Variants in RMDN2 observed in about 807,000 individuals in gnomAD.
The protein encoded by RMDN2 is regulator of microtubule dynamics protein 2.
Under a neutral mutation model 52.8 loss-of-function variants are expected in RMDN2, and 61 were observed. That is an observed-to-expected ratio of 1.16 (90% CI 0.94 to 1.43). RMDN2 has a LOEUF of 1.43. Ranked by LOEUF, RMDN2 falls within the 40% of genes most tolerant of loss-of-function variation. The pLI, the probability that RMDN2 is intolerant of heterozygous loss-of-function variation, is 0.00. For missense variants in RMDN2, 592 were observed against 475.3 expected (o/e 1.25, Z -2.28); for synonymous variants, 180 against 153.1 (o/e 1.18, Z -1.30).
intron 4 of RMDN2, among the ~76,000 whole-genome samples, chr2:37,979,289 G>A (rs1390803731): frequency 1.3e-5 from 2 of 152,076 alleles, no homozygotes; most frequent in Non-Finnish European, 1.5e-5. Flanking sequence ...ACAACACTAC[G>A]GAACCTATTC....
At chr2:37,933,513 C>A (rs1336139332) in intron 2 of RMDN2, among the ~76,000 whole-genome samples, 5 of 152,278 alleles carry the variant, frequency 3.3e-5, no homozygotes, top group Non-Finnish European at 7.3e-5. Context: ...ACTCCGTCTG[C>A]AATCCCGGCA....
intron 2 of RMDN2, among the ~76,000 whole-genome samples, chr2:37,940,834 G>A (rs900829980): frequency 6.6e-6 from 1 of 152,116 alleles, no homozygotes; most frequent in Non-Finnish European, 1.5e-5. Flanking sequence ...TTGGGTTAAA[G>A]CTTGCTCCTT....
intron 2 of RMDN2, among the ~76,000 whole-genome samples, chr2:37,973,673 C>G (rs549060038): frequency 6.6e-6 from 1 of 152,082 alleles, no homozygotes; most frequent in Non-Finnish European, 1.5e-5. Flanking sequence ...GGAGCAGAGA[C>G]TTGAAGGAGG....
intron 4 of RMDN2, among the ~76,000 whole-genome samples, chr2:37,979,817 A>C (rs1673068881): frequency 6.6e-6 from 1 of 152,164 alleles, no homozygotes; most frequent in South Asian, 2.1e-4. Context: ...AGTACGCTGA[A>C]AGTTTTATTC....
intron 2 of RMDN2, among the ~76,000 whole-genome samples, chr2:37,938,084 G>C (rs1037750823): frequency 6.6e-6 from 1 of 152,270 alleles, no homozygotes; most frequent in South Asian, 2.1e-4. Flanking sequence ...AGTTTATTGA[G>C]TGTTTTTAGC....
chr2:37,966,963 A>G (rs1338501926), intron 2 of RMDN2, among the ~76,000 whole-genome samples: 1 of 152,188 alleles, frequency 6.6e-6, no homozygotes, highest in African/African-American at 2.4e-5. Flanking sequence ...CAAACATCAA[A>G]TTTATGGTGA....
At chr2:37,935,532 CT>C (rs1667213219) in intron 2 of RMDN2, among the ~76,000 whole-genome samples, 1 of 152,138 alleles carries the variant, frequency 6.6e-6, no homozygotes, top group South Asian at 2.1e-4. Flanking sequence ...TACTTCTGAT[CT>C]TTTAAAAAAT....
At chr2:37,974,366 A>T (rs1261097440) in intron 3 of RMDN2, 152 bp downstream of exon 3, 1 of 469,068 alleles carries the variant, frequency 2.1e-6, no homozygotes, top group East Asian at 3.7e-5. Flanking sequence ...ATTTTTTAAA[A>T]TTTATTTTTT....
chr2:38,053,958 A>G (rs1470166921), intron 10 of RMDN2, among the ~76,000 whole-genome samples: 1 of 152,222 alleles, frequency 6.6e-6, no homozygotes, highest in Non-Finnish European at 1.5e-5. Flanking sequence ...TAAACCTACC[A>G]AGAACGACTC....
intron 10 of RMDN2, among the ~76,000 whole-genome samples, chr2:38,013,690 G>C (rs920457492): frequency 1.3e-5 from 2 of 152,122 alleles, no homozygotes; most frequent in African/African-American, 2.4e-5. Flanking sequence ...TGGTTTTCTG[G>C]ATAAGTTATA....
intron 5 of RMDN2, among the ~76,000 whole-genome samples, chr2:37,982,398 A>T (rs954865092): frequency 6.6e-6 from 1 of 152,172 alleles, no homozygotes; most frequent in Non-Finnish European, 1.5e-5. Flanking sequence ...AGACTTTTTG[A>T]TGCTGCCCTC....
intron 10 of RMDN2, among the ~76,000 whole-genome samples, chr2:38,042,442 A>C (rs962203646): frequency 4.3e-5 from 6 of 138,656 alleles, no homozygotes; most frequent in South Asian, 2.2e-4. Context: ...ACACACACAC[A>C]CCACACACAC....
chr2:38,034,830 AT>A lies in RMDN2; in HGVS notation c.1713+30615del, dbSNP rs1680466758. 2.5e-4 allele frequency among the ~76,000 whole-genome samples: 4 copies of A among 16,294 alleles called. No homozygotes were observed. The East Asian group carries it at 0.056, about 226-fold the overall frequency. 10.7% of individuals were successfully genotyped at this position (16,294 alleles called of 152,430 possible). On this transcript the variant is annotated intron_variant, in intron 10 of 10. Coordinates refer to the RMDN2 transcript ENST00000234195. The stretch of plus-strand genomic sequence containing the variant: ...AATGTTTTCTTGATTTTAAAATTTA[AT>A]AAGTAGAAATAAAGGAATACTGTTT...
rs187964607 is a variant in RMDN2, at chr2:37,933,170, G to A, written c.452+3441G>A. On this transcript the variant is annotated intron_variant, in intron 2 of 10. Coordinates refer to ENST00000354545, the MANE Select transcript of RMDN2 (RefSeq NM_001170791.3). The stretch of plus-strand genomic sequence containing the variant: ...CAGAGGTGCTCCTCACATCTCAGAC[G>A]ATGGGCGGCCGGGCAGAGATGCTCC... 6.0e-3 allele frequency among the ~76,000 whole-genome samples: 903 copies of A among 151,658 alleles called. 10 individuals are homozygous for A. The highest frequency in any genetic ancestry group is 0.02 in the African/African-American group (838 of 41,302).
chr2:37,979,524 G>A (rs1673023459), intron 4 of RMDN2, among the ~76,000 whole-genome samples: 1 of 152,146 alleles, frequency 6.6e-6, no homozygotes, highest in African/African-American at 2.4e-5. Flanking sequence ...TCACTGGAGA[G>A]TACAAAATTC....
At chr2:38,058,048 C>G (rs978626120) in intron 10 of RMDN2, among the ~76,000 whole-genome samples, 1 of 152,244 alleles carries the variant, frequency 6.6e-6, no homozygotes, top group Admixed American at 6.5e-5. Context: ...GAGTAACTAC[C>G]CAGGAAAATG....
chr2:37,996,852 T>A (rs949942495), intron 7 of RMDN2, among the ~76,000 whole-genome samples: 1 of 152,150 alleles, frequency 6.6e-6, no homozygotes, highest in Non-Finnish European at 1.5e-5. Flanking sequence ...ACTGATTTTT[T>A]AAAAAATCTT....
intron 10 of RMDN2, among the ~76,000 whole-genome samples, chr2:38,012,237 C>T (rs1678101047): frequency 6.6e-6 from 1 of 152,206 alleles, no homozygotes; most frequent in Non-Finnish European, 1.5e-5. Flanking sequence ...ACCATGGATG[C>T]TGTTTCGTCA....
chr2:38,039,926 C>G (rs1302183850), intron 10 of RMDN2, among the ~76,000 whole-genome samples: 3 of 151,892 alleles, frequency 2.0e-5, no homozygotes, highest in African/African-American at 4.8e-5. Flanking sequence ...TTAGCATCTC[C>G]TCCTCTTTGG....
Sources: allele counts gnomAD v4.1 joint callset (sites outside exome capture counted in the v4.1 genomes callset), GRCh38; gene constraint gnomAD v4.1.1; transcripts MANE v1.5; gene names NCBI Gene and HGNC (gene_info 2026-07-23, HGNC 2026-07-21).